Variants in HKDC1 observed in about 807,000 individuals in gnomAD.
HKDC1 encodes hexokinase domain containing 1.
A neutral mutation model predicts 96.6 loss-of-function variants in HKDC1; 66 were observed. The ratio of observed to expected loss-of-function variants is 0.68; its 90% CI spans 0.56 to 0.84. The LOEUF is 0.84. HKDC1 is among the 40% of genes least tolerant of loss of function. The pLI is 0.00. For missense variants in HKDC1, 1,211 were observed against 1,208.1 expected (o/e 1.00, Z -0.04); for synonymous variants, 466 against 473.1 (o/e 0.98, Z 0.20).
chr10:69,265,473 A>G, intron 16 of HKDC1, 112 bp from the exon 17 acceptor site: 1 of 924,516 alleles, frequency 1.1e-6, no homozygotes, highest in Non-Finnish European at 1.7e-6. Flanking sequence ...GCCTGGGTCA[A>G]TTTCTCCTCC....
intron 1 of HKDC1, among the ~76,000 whole-genome samples, chr10:69,226,384 C>T (rs1319553855): frequency 1.3e-5 from 2 of 152,100 alleles, no homozygotes; most frequent in African/African-American, 4.8e-5. Flanking sequence ...AGGTGGCTCA[C>T]GCCTGTAATC....
chr10:69,240,277 C>T (rs768175066), intron 5 of HKDC1, among the ~76,000 whole-genome samples: 1 of 152,078 alleles, frequency 6.6e-6, no homozygotes, highest in South Asian at 2.1e-4. Context: ...TACCTGTGAA[C>T]AGCCATCACA....
At chr10:69,240,855 A>C (rs1843446682) in intron 6 of HKDC1, 104 bp downstream of exon 6, 1 of 749,012 alleles carries the variant, frequency 1.3e-6, no homozygotes, top group African/African-American at 1.7e-5. Flanking sequence ...GCACTGCACT[A>C]TTTAGGAGAA....
At chr10:69,256,300 C>G (rs1192447108) in intron 12 of HKDC1, among the ~76,000 whole-genome samples, 1 of 152,146 alleles carries the variant, frequency 6.6e-6, no homozygotes, top group Non-Finnish European at 1.5e-5. Flanking sequence ...GATGATAGAT[C>G]CATACTGTTG....
intron 5 of HKDC1, 71 bp from the exon 6 acceptor site, chr10:69,240,581 C>T (rs1843439497): frequency 1.6e-6 from 2 of 1,289,294 alleles, no homozygotes; most frequent in East Asian, 2.3e-5. Flanking sequence ...TACCTGCTGC[C>T]TCTGTGGGGA....
Position 69,221,262 on chromosome 10 carries a change from T to C in HKDC1, c.63+764T>C, listed in dbSNP as rs530259615. 3.7e-4 allele frequency among the ~76,000 whole-genome samples: 56 copies of C among 152,200 alleles called. 1 individual carries two copies. Among genetic ancestry groups the C allele is most frequent in the Non-Finnish European group, 4.6e-4 (31 of 68,032 alleles). The stretch of plus-strand genomic sequence containing the variant: ...AGACAGTAATTGAAATATCTATTAT[T>C]GGCACCTGCTATTTGCCAATGGTAC... On this transcript the variant is annotated intron_variant, in intron 1 of 17. Transcript: ENST00000354624.
At chr10:69,228,037 T>A (rs537749379) in intron 2 of HKDC1, among the ~76,000 whole-genome samples, 1 of 152,336 alleles carries the variant, frequency 6.6e-6, no homozygotes, top group African/African-American at 2.4e-5. Flanking sequence ...TCACAGTGGC[T>A]GAAAACAATC....
intron 12 of HKDC1, among the ~76,000 whole-genome samples, chr10:69,252,689 C>A (rs993158101): frequency 6.6e-6 from 1 of 150,732 alleles, no homozygotes; most frequent in African/African-American, 2.4e-5. Context: ...GTGGCACATG[C>A]CTGTGGTCCC....
intron 6 of HKDC1, among the ~76,000 whole-genome samples, chr10:69,242,896 G>A (rs1589409625): frequency 6.6e-6 from 1 of 152,164 alleles, no homozygotes; most frequent in Non-Finnish European, 1.5e-5. Context: ...TCTTGTAAGA[G>A]CGCTTCGTCA....
intron 4 of HKDC1, among the ~76,000 whole-genome samples, chr10:69,235,938 A>T (rs1469412071): frequency 1.3e-5 from 2 of 152,132 alleles, no homozygotes. Flanking sequence ...GGTAGATATG[A>T]TTATCTTCAT....
At chr10:69,230,051 A>G (rs1589403399) in intron 2 of HKDC1, among the ~76,000 whole-genome samples, 1 of 152,296 alleles carries the variant, frequency 6.6e-6, no homozygotes, top group Non-Finnish European at 1.5e-5. Flanking sequence ...GCTTCCAGAG[A>G]AGTCCTGAGT....
At position 69,233,035 on chromosome 10, in the gene HKDC1, T is replaced by A. The variant is rs1373078597; in HGVS notation, c.397T>A (p.Cys133Ser). 3 of 1,614,174 alleles carry A rather than the reference T, an allele frequency of 1.9e-6. No individual in the cohort carries two copies. The South Asian group carries it at 3.3e-5, about 18-fold the overall frequency. ...GTELFEYVADCLADFMKTKDL... is the reference protein window; with the variant it reads ...GTELFEYVADSLADFMKTKDL... ...GCAGCTGTTTGAATATGTAGCTGACTGTCTGGCAGATTTCATGAAGACCAA... is the reference window on the plus strand; with the variant it reads ...GCAGCTGTTTGAATATGTAGCTGACAGTCTGGCAGATTTCATGAAGACCAA... The change falls in exon 4 of 18, where the codon TGT becomes AGT. Residue 133 changes from cysteine (C) to serine (S), a missense_variant. By Grantham distance (112) the Cys-to-Ser change is moderately radical. Transcript: ENST00000354624.
intron 6 of HKDC1, 51 bp downstream of exon 6, chr10:69,240,802 G>A: frequency 1.4e-6 from 2 of 1,402,810 alleles, no homozygotes; most frequent in Non-Finnish European, 2.0e-6. Flanking sequence ...GGACTGTTTG[G>A]GAGTTTCATT....
intron 1 of HKDC1, among the ~76,000 whole-genome samples, chr10:69,225,209 G>T (rs1426763402): frequency 6.6e-6 from 1 of 152,186 alleles, no homozygotes; most frequent in Non-Finnish European, 1.5e-5. Flanking sequence ...GTGGATGCCT[G>T]GAGTTTTTTA....
intron 2 of HKDC1, among the ~76,000 whole-genome samples, chr10:69,230,386 A>C (rs1843235552): frequency 6.6e-6 from 1 of 151,960 alleles, no homozygotes; most frequent in Non-Finnish European, 1.5e-5. Flanking sequence ...TTCCTAATAC[A>C]CACTTTCCCA....
rs1034371933 is a variant in HKDC1 at position 69,261,218 on chromosome 10, C to T, written c.2296C>T (p.Leu766Phe). The change falls in exon 16 of 18, where the codon CTC becomes TTC. Residue 766 changes from leucine to phenylalanine, a missense_variant. Physicochemically the swap from Leu to Phe is conservative, Grantham distance 22. Transcript: ENST00000354624. ...ILIDLTKQGL[L>F]FRGQISERLR... ...GATCGACCTGACCAAGCAGGGTCTC[C>T]TCTTCCGAGGGCAGATTTCAGAGCG... 6.2e-7 allele frequency: 1 copy of T among 1,614,110 alleles called. No individual in the cohort carries two copies. The highest frequency in any genetic ancestry group is 8.5e-7 in the Non-Finnish European group (1 of 1,179,978).
In HKDC1 at chr10:69,267,133, T is replaced by C. The variant is rs964041056; in HGVS notation, c.*376T>C. On this transcript the variant is annotated 3_prime_UTR_variant, in exon 18 of 18. Transcript: ENST00000354624. ...ATGTGGCTGGCAGGCTGTTTCCCCA[T>C]TGGGATGCTTAAGCCATCTCTTATA... is the stretch of plus-strand genomic sequence containing the variant. 4.4e-6 allele frequency: 1 copy of C among 225,540 alleles called. No individual in the cohort carries two copies. Among genetic ancestry groups the C allele is most frequent in the African/African-American group, 2.3e-5 (1 of 43,308 alleles). 14.0% of individuals were successfully genotyped at this position (225,540 alleles called of 1,614,324 possible). A position where few individuals can be genotyped will look rare whatever the true frequency, so the allele number is the denominator to read the frequency against.
In HKDC1 at chr10:69,261,227, G is replaced by A; in HGVS notation, c.2305G>A (p.Gly769Arg). ...DLTKQGLLFRGQISERLRTRG... is the reference protein window; with the variant it reads ...DLTKQGLLFRRQISERLRTRG... ...GACCAAGCAGGGTCTCCTCTTCCGAGGGCAGATTTCAGAGCGTCTCCGGAC... is the reference window on the plus strand; with the variant it reads ...GACCAAGCAGGGTCTCCTCTTCCGAAGGCAGATTTCAGAGCGTCTCCGGAC... The change falls in exon 16 of 18, where the codon GGG becomes AGG. Residue 769 changes from glycine to arginine, a missense_variant. Coordinates refer to ENST00000354624, the MANE Select transcript of HKDC1 (RefSeq NM_025130.4). 6.2e-7 allele frequency: 1 copy of A among 1,614,132 alleles called. No homozygotes were observed. The highest frequency in any genetic ancestry group is 8.5e-7 in the Non-Finnish European group (1 of 1,180,008).
intron 6 of HKDC1, among the ~76,000 whole-genome samples, chr10:69,242,443 A>AAC (rs1564730449): frequency 2.6e-5 from 4 of 151,848 alleles, no homozygotes; most frequent in African/African-American, 9.7e-5. Context: ...AAAAAAAAAA[A>AAC]AAAAAAACCC....
Sources: allele counts gnomAD v4.1 joint callset (sites outside exome capture counted in the v4.1 genomes callset), GRCh38; gene constraint gnomAD v4.1.1; transcripts MANE v1.5; gene names NCBI Gene and HGNC (gene_info 2026-07-23, HGNC 2026-07-21).